CATSPERT: variants seen among roughly 807,000 people sequenced by gnomAD.
The protein encoded by CATSPERT is cation channel sperm-associated targeting subunit tau.
At chr2:201,563,026 T>C in the CATSPERT span, among the ~76,000 whole-genome samples, 7 of 146,192 alleles carry the variant, frequency 4.8e-5, no homozygotes, top group East Asian at 2.1e-4. Context: ...CAATGAGCTG[T>C]TGGGCACACC....
chr2:201,551,540 G>C, the CATSPERT span, among the ~76,000 whole-genome samples: 9 of 152,278 alleles, frequency 5.9e-5, no homozygotes, highest in East Asian at 1.5e-3. Flanking sequence ...ATTAACTGTA[G>C]TTCATACTGT....
At chr2:201,548,235 C>A in the CATSPERT span, among the ~76,000 whole-genome samples, 1 of 152,024 alleles carries the variant, frequency 6.6e-6, no homozygotes. Context: ...GTTCTAGAGG[C>A]CAGGAATTCC....
chr2:201,522,544 C>T, the CATSPERT span, among the ~76,000 whole-genome samples: 1 of 152,170 alleles, frequency 6.6e-6, no homozygotes, highest in Non-Finnish European at 1.5e-5. Context: ...GGACTCATTC[C>T]TGGCCCCAAG....
chr2:201,549,466 C>T, the CATSPERT span, among the ~76,000 whole-genome samples: 2 of 152,056 alleles, frequency 1.3e-5, no homozygotes, highest in South Asian at 2.1e-4. Flanking sequence ...ATCAAAAAGC[C>T]CATATACGTA....
chr2:201,574,660 C>A, the CATSPERT span, among the ~76,000 whole-genome samples: 5 of 152,058 alleles, frequency 3.3e-5, no homozygotes, highest in Admixed American at 6.6e-5. Context: ...CCTCCAGTCC[C>A]AGTTTCAGAT....
the CATSPERT span, among the ~76,000 whole-genome samples, chr2:201,544,091 G>A: frequency 1.8e-3 from 271 of 152,220 alleles, 1 homozygote; most frequent in Non-Finnish European, 2.9e-3. Flanking sequence ...TCCCACCTAT[G>A]AGTGAGAACA....
the CATSPERT span, chr2:201,487,524 T>G: frequency 1.6e-6 from 2 of 1,216,692 alleles, no homozygotes; most frequent in East Asian, 4.8e-5. Flanking sequence ...ACCATTTTGT[T>G]AATGGAGAAG....
chr2:201,549,832 C>T, the CATSPERT span: 72,827 of 151,800 alleles, frequency 0.48, 17,914 homozygotes, highest in Non-Finnish European at 0.54. Context: ...TTATCTTACT[C>T]GCTATTATTT....
chr2:201,565,953 C>T, the CATSPERT span: 1 of 1,320,440 alleles, frequency 7.6e-7, no homozygotes, highest in Non-Finnish European at 1.0e-6. Context: ...CACTTTTGAA[C>T]CCTTCTCTTT....
chr2:201,591,489 A>G, the CATSPERT span, among the ~76,000 whole-genome samples: 10 of 152,102 alleles, frequency 6.6e-5, no homozygotes, highest in Non-Finnish European at 1.0e-4. Flanking sequence ...GTTCCATATG[A>G]ACTTTAAAGT....
the CATSPERT span, among the ~76,000 whole-genome samples, chr2:201,507,961 G>A: frequency 6.6e-6 from 1 of 152,128 alleles, no homozygotes; most frequent in Non-Finnish European, 1.5e-5. Flanking sequence ...GAAGTCCACC[G>A]CCATGATTCA....
the CATSPERT span, among the ~76,000 whole-genome samples, chr2:201,543,203 A>G: frequency 1.4e-4 from 22 of 152,064 alleles, no homozygotes; most frequent in Admixed American, 2.6e-4. Flanking sequence ...CTTCTATTCT[A>G]TTGATCTATA....
chr2:201,509,932 A>T, the CATSPERT span, among the ~76,000 whole-genome samples: 1 of 150,868 alleles, frequency 6.6e-6, no homozygotes, highest in African/African-American at 2.5e-5. Context: ...TATAATATAT[A>T]CATTTAATTT....
the CATSPERT span, among the ~76,000 whole-genome samples, chr2:201,529,244 A>G: frequency 0.082 from 12,515 of 152,226 alleles, 710 homozygotes; most frequent in African/African-American, 0.15. Context: ...AATAGAAAAA[A>G]TAATCCTAAA....
chr2:201,613,478 C>T, the CATSPERT span, among the ~76,000 whole-genome samples: 3 of 152,238 alleles, frequency 2.0e-5, no homozygotes, highest in Non-Finnish European at 4.4e-5. Context: ...AACAGACCTG[C>T]AGCTGACGGT....
chr2:201,568,165 G>A, the CATSPERT span, among the ~76,000 whole-genome samples: 1 of 152,108 alleles, frequency 6.6e-6, no homozygotes, highest in Non-Finnish European at 1.5e-5. Flanking sequence ...TTTCACTGAG[G>A]TAGAAGGCCC....
the CATSPERT span, chr2:201,565,739 G>T: frequency 6.4e-7 from 1 of 1,569,616 alleles, no homozygotes; most frequent in Non-Finnish European, 8.6e-7. Flanking sequence ...CTTTCCCGGG[G>T]TTGTTGCTGA....
the CATSPERT span, among the ~76,000 whole-genome samples, chr2:201,529,945 G>A: frequency 6.6e-6 from 1 of 152,120 alleles, no homozygotes; most frequent in South Asian, 2.1e-4. Flanking sequence ...ATGGGCAAAG[G>A]AACTGAACAG....
the CATSPERT span, among the ~76,000 whole-genome samples, chr2:201,546,573 C>T: frequency 1.3e-5 from 2 of 151,996 alleles, no homozygotes; most frequent in Admixed American, 6.5e-5. Flanking sequence ...CAAATCAAAC[C>T]TACAATGAGA....
Sources: gnomAD v4.1 joint callset for allele counts (sites outside exome capture counted in the v4.1 genomes callset) on GRCh38, gnomAD v4.1.1 for gene constraint, MANE v1.5 for transcripts, NCBI Gene and HGNC (gene_info 2026-07-23, HGNC 2026-07-21) for gene names.